The following MCU variants were observed in gnomAD, a reference collection of about 807,000 sequenced individuals.
MCU encodes the protein mitochondrial calcium uniporter, also known as calcium uniporter protein, mitochondrial.
Under a neutral mutation model 45.2 loss-of-function variants are expected in MCU, and 12 were observed. That is an observed-to-expected ratio of 0.27 (90% CI 0.17 to 0.43). The LOEUF (loss-of-function observed/expected upper bound fraction) is 0.43. MCU is among the 20% of genes least tolerant of loss of function. The probability of loss-of-function intolerance (pLI) is 1.00; values close to 1 mark genes in which losing one functional copy is unlikely to be tolerated. For synonymous variants in MCU, 160 were observed against 165.1 expected, an observed-to-expected ratio of 0.97 and a Z score of 0.24; for missense variants, 324 against 436.7, an observed-to-expected ratio of 0.74 and a Z score of 2.30.
At chr10:72,806,617 G>A (rs917789085) in intron 1 of MCU, among the ~76,000 whole-genome samples, 5 of 152,194 alleles carry the variant, frequency 3.3e-5, no homozygotes, top group Admixed American at 1.3e-4. Flanking sequence ...TCTAGTGGTG[G>A]TGTAGGCAGC....
chr10:72,726,900 G>A (rs886191201), intron 1 of MCU, among the ~76,000 whole-genome samples: 1 of 152,150 alleles, frequency 6.6e-6, no homozygotes, highest in Non-Finnish European at 1.5e-5. Context: ...TTATAAAATT[G>A]ATAATCTTCT....
chr10:72,743,412 CAAA>C (rs374429962), intron 1 of MCU, among the ~76,000 whole-genome samples: 5 of 74,424 alleles, frequency 6.7e-5, no homozygotes, highest in African/African-American at 2.3e-4. Flanking sequence ...TACTCCATCT[CAAA>C]AAAAAAAAAA....
chr10:72,765,653 G>C (rs1162553063), intron 1 of MCU, among the ~76,000 whole-genome samples: 1 of 151,660 alleles, frequency 6.6e-6, no homozygotes, highest in Non-Finnish European at 1.5e-5. Flanking sequence ...ATATAGCCAG[G>C]CATGGTGGCA....
chr10:72,773,380 A>G (rs1192052442), intron 1 of MCU, among the ~76,000 whole-genome samples: 1 of 152,190 alleles, frequency 6.6e-6, no homozygotes, highest in Non-Finnish European at 1.5e-5. Flanking sequence ...CAATGGCAGA[A>G]TGGATCAAGC....
At chr10:72,774,644 T>C (rs139693254) in intron 1 of MCU, among the ~76,000 whole-genome samples, 2 of 152,112 alleles carry the variant, frequency 1.3e-5, no homozygotes, top group Admixed American at 1.3e-4. Flanking sequence ...TATGCTGCCT[T>C]CAAGAAACCC....
In MCU at chr10:72,813,490, G is replaced by C. The variant is rs140568072; in HGVS notation, c.151-20869G>C. Among the ~76,000 whole-genome samples, 415 of 98,188 alleles carry C rather than the reference G, an allele frequency of 4.2e-3. 6 individuals are homozygous for C. The highest frequency in any genetic ancestry group is 0.014 in the Middle Eastern group (1 of 72). The allele number at this position is 98,188 out of a possible 152,430, so 64.4% of individuals were successfully genotyped here. ...TTTTTTTTTTTTGAGATGGAGTCTT[G>C]CTCTGTTGCCCAAGCTGGAGTGCAG... On this transcript the variant is annotated intron_variant, in intron 1 of 7. Coordinates refer to ENST00000373053, the MANE Select transcript of MCU (RefSeq NM_138357.3).
rs542548649 is a variant in MCU, at chr10:72,774,200, A to G, written c.151-60159A>G. On this transcript the variant is annotated intron_variant, in intron 1 of 7. Transcript: ENST00000373053. ...ATCAAAAACAATAATAGCTACAGCA[A>G]CCTGTTAAGAGATAGGTAATGTAGG... Among the ~76,000 whole-genome samples, 4 of 152,316 alleles carry G rather than the reference A, an allele frequency of 2.6e-5. 1 individual carries two copies. Among genetic ancestry groups the G allele is most frequent in the African/African-American group, 9.6e-5 (4 of 41,588 alleles).
intron 2 of MCU, among the ~76,000 whole-genome samples, chr10:72,855,254 A>T (rs1185017002): frequency 1.3e-5 from 2 of 152,120 alleles, no homozygotes; most frequent in Admixed American, 1.3e-4. Context: ...AAATAAAAAT[A>T]AATAAAATAA....
At chr10:72,744,502 C>G (rs1176841042) in intron 1 of MCU, among the ~76,000 whole-genome samples, 2 of 152,148 alleles carry the variant, frequency 1.3e-5, no homozygotes, top group Non-Finnish European at 2.9e-5. Context: ...AATTGGCACA[C>G]AGCTGTAGTC....
At chr10:72,792,674 C>T (rs537821710) in intron 1 of MCU, among the ~76,000 whole-genome samples, 1 of 151,284 alleles carries the variant, frequency 6.6e-6, no homozygotes, top group Non-Finnish European at 1.5e-5. Flanking sequence ...TATGCTTGCC[C>T]CACCCCCAAT....
rs754438258 is a variant in MCU at position 72,740,668 on chromosome 10, C to A, written c.150+48367C>A. Among the ~76,000 whole-genome samples, 17 of 152,236 alleles carry A rather than the reference C, an allele frequency of 1.1e-4. No homozygotes were observed. The South Asian group carries it at 1.5e-3, about 13-fold the overall frequency. ...GTTTTCCTGATTTCTGATTTGGATT[C>A]CAGTGAGGTCGTAAGAGCTAATGTA... On this transcript the variant is annotated intron_variant, in intron 1 of 7. Transcript: ENST00000373053.
chr10:72,710,395 A>G (rs77902068), intron 1 of MCU, among the ~76,000 whole-genome samples: 1,660 of 152,252 alleles, frequency 0.011, 42 homozygotes, highest in African/African-American at 0.038. Flanking sequence ...AGTAGAGACA[A>G]TCTGAGACCC....
At chr10:72,710,286 T>G (rs1336524549) in intron 1 of MCU, among the ~76,000 whole-genome samples, 1 of 152,170 alleles carries the variant, frequency 6.6e-6, no homozygotes, top group Admixed American at 6.5e-5. Flanking sequence ...AATGGCTTTC[T>G]TTTTAATGAT....
chr10:72,815,155 G>A (rs1010237472), intron 1 of MCU, among the ~76,000 whole-genome samples: 1 of 152,252 alleles, frequency 6.6e-6, no homozygotes, highest in Non-Finnish European at 1.5e-5. Flanking sequence ...AGGCTTTGCA[G>A]CCATATAGTT....
intron 1 of MCU, among the ~76,000 whole-genome samples, chr10:72,757,308 G>T (rs1266510739): frequency 1.3e-5 from 2 of 152,120 alleles, no homozygotes; most frequent in Non-Finnish European, 2.9e-5. Flanking sequence ...AAACAAGGGA[G>T]ATGTGACATT....
chr10:72,823,668 T>C (rs1454851529), intron 1 of MCU, among the ~76,000 whole-genome samples: 1 of 152,082 alleles, frequency 6.6e-6, no homozygotes, highest in African/African-American at 2.4e-5. Flanking sequence ...TTTTTAAAAA[T>C]CAAGCAAATA....
At chr10:72,782,763 G>A (rs1389548893) in intron 1 of MCU, among the ~76,000 whole-genome samples, 1 of 152,188 alleles carries the variant, frequency 6.6e-6, no homozygotes, top group Non-Finnish European at 1.5e-5. Context: ...TGTGTGTCTA[G>A]TTCCTCTCAC....
intron 1 of MCU, among the ~76,000 whole-genome samples, chr10:72,710,556 T>G (rs1021308752): frequency 2.7e-5 from 4 of 148,246 alleles, no homozygotes; most frequent in African/African-American, 1.0e-4. Flanking sequence ...TTTTTTTTTT[T>G]TTTTTTTTTT....
intron 1 of MCU, among the ~76,000 whole-genome samples, chr10:72,704,393 C>T (rs1016740501): frequency 6.6e-6 from 1 of 152,140 alleles, no homozygotes; most frequent in Non-Finnish European, 1.5e-5. Flanking sequence ...TATTTCTTAA[C>T]CTTTGCTGAG....
Sources: allele counts gnomAD v4.1 joint callset (sites outside exome capture counted in the v4.1 genomes callset), GRCh38; gene constraint gnomAD v4.1.1; transcripts MANE v1.5; gene names NCBI Gene and HGNC (gene_info 2026-07-23, HGNC 2026-07-21).